The following ITPR1 variants were observed in gnomAD, a reference collection of about 807,000 sequenced individuals.
ITPR1 encodes the protein inositol 1,4,5-trisphosphate receptor type 1.
ITPR1 carries 96 observed loss-of-function variants against 318.4 expected under a neutral mutation model. The observed-to-expected ratio is 0.30, with a 90% CI of 0.26 to 0.36. The LOEUF (loss-of-function observed/expected upper bound fraction) is 0.36, where lower values mean the gene tolerates loss of function less well. ITPR1 is among the 10% of genes least tolerant of loss of function. The pLI, the probability that ITPR1 is intolerant of heterozygous loss-of-function variation, is 1.00. For missense variants in ITPR1, 2,440 were observed against 3,460.2 expected (o/e 0.71, Z 7.40); for synonymous variants, 1,312 against 1,289.9 (o/e 1.02, Z -0.37).
At chr3:4,616,502 A>G (rs2092394369) in intron 4 of ITPR1, among the ~76,000 whole-genome samples, 1 of 152,250 alleles carries the variant, frequency 6.6e-6, no homozygotes, top group Non-Finnish European at 1.5e-5. Context: ...AGGAAAAGAT[A>G]TGAATGCTGA....
Position 4,677,796 on chromosome 3 carries a change from G to A in ITPR1, c.2967+995G>A, listed in dbSNP as rs185690403. Among the ~76,000 whole-genome samples, 11 of 152,120 alleles carry A rather than the reference G, an allele frequency of 7.2e-5. No individual in the cohort carries two copies. In the East Asian group the frequency reaches 1.5e-3, roughly 21 times the overall value. ...ATGATCATGTATACAGGGAGAGTTT[G>A]TTGCTGTTTGGGGAGAGAATAATTG... On this transcript the variant is annotated intron_variant, in intron 24 of 61. Transcript: ENST00000649015.
chr3:4,609,051 A>AATATATATATAT (rs754002503), intron 4 of ITPR1, among the ~76,000 whole-genome samples: 634 of 46,322 alleles, frequency 0.014, 5 homozygotes, highest in East Asian at 0.032. Context: ...ACAACAACGA[A>AATATATATATAT]ATATATATAT....
At chr3:4,675,575 T>G (rs2094167382) in intron 23 of ITPR1, among the ~76,000 whole-genome samples, 1 of 152,232 alleles carries the variant, frequency 6.6e-6, no homozygotes, top group Non-Finnish European at 1.5e-5. Context: ...TGAAAGTTAC[T>G]TAACACTTTG....
At chr3:4,534,518 C>T (rs554845942) in intron 4 of ITPR1, among the ~76,000 whole-genome samples, 1 of 152,200 alleles carries the variant, frequency 6.6e-6, no homozygotes, top group African/African-American at 2.4e-5. Flanking sequence ...AAAGAACCCA[C>T]GTGTTTTCCT....
rs73807279 is a variant in ITPR1, at chr3:4,520,650, C to A, written c.93-374C>A. On this transcript the variant is annotated intron_variant, in intron 3 of 61. Transcript: ENST00000649015. ...GCACTAGCCTTGAGCTCCCAAAGAG[C>A]AAGGGCCTGGCTCATATTCACCTGG... is the stretch of plus-strand genomic sequence containing the variant. 5.9e-3 allele frequency among the ~76,000 whole-genome samples: 897 copies of A among 152,250 alleles called. 8 individuals are homozygous for A. The highest frequency in any genetic ancestry group is 0.021 in the African/African-American group (869 of 41,534).
intron 4 of ITPR1, among the ~76,000 whole-genome samples, chr3:4,581,805 A>ACAGTTGT (rs1472940451): frequency 6.6e-6 from 1 of 152,218 alleles, no homozygotes; most frequent in Admixed American, 6.5e-5. Flanking sequence ...GGAGGGACCT[A>ACAGTTGT]CAGTTGTCCC....
At chr3:4,521,441 G>A (rs572495916) in intron 4 of ITPR1, among the ~76,000 whole-genome samples, 1 of 152,260 alleles carries the variant, frequency 6.6e-6, no homozygotes, top group Non-Finnish European at 1.5e-5. Context: ...CTCACTGTCC[G>A]TTTGGGGATG....
chr3:4,609,619 C>G (rs748482794), intron 4 of ITPR1, among the ~76,000 whole-genome samples: 1 of 150,938 alleles, frequency 6.6e-6, no homozygotes, highest in Non-Finnish European at 1.5e-5. Flanking sequence ...GGGAAGGACT[C>G]TGGTGCTCAG....
rs771266880 is a variant in ITPR1, at chr3:4,836,909, G to A, written c.8164G>A (p.Gly2722Ser). 4 of 1,592,240 alleles carry A rather than the reference G, an allele frequency of 2.5e-6. No homozygotes were observed. The highest frequency in any genetic ancestry group is 2.6e-6 in the Non-Finnish European group (3 of 1,164,520). The stretch of plus-strand genomic sequence containing the variant: ...CATGAAACTTGTCACGAACCTTTCT[G>A]GCCAGCTGTCGGAATTAAAGGATCA... Reference protein sequence around the residue: ...STMKLVTNLSGQLSELKDQMT... With the variant: ...STMKLVTNLSSQLSELKDQMT... The change falls in exon 61 of 62, where the codon GGC (glycine) becomes AGC (serine). Residue 2722 changes from glycine (G) to serine (S), a missense_variant. Coordinates refer to ENST00000649015, the MANE Select transcript of ITPR1 (RefSeq NM_001378452.1).
intron 46 of ITPR1, among the ~76,000 whole-genome samples, chr3:4,770,958 G>A (rs3805014): frequency 0.018 from 2,668 of 152,242 alleles, 32 homozygotes; most frequent in South Asian, 0.052. Flanking sequence ...GATGCTGAGC[G>A]GCTGAGCTTG....
rs1282964405 is a variant in ITPR1 at position 4,680,603 on chromosome 3, A to C, written c.3018A>C (p.Ile1006=). The C allele has an allele frequency of 6.2e-7, 1 of 1,613,480 alleles. No homozygotes were observed. The highest frequency in any genetic ancestry group is 1.1e-5 in the South Asian group (1 of 91,058). ...ATAGGATCTCCTGCCTCCTGTGTAT[A>C]TTTAAGCGAGAGTTTGATGAAAGCA... ...LDYRISCLLC[I]FKREFDESNS... Residue 1006 remains isoleucine, a synonymous_variant, in exon 25 of 62, where the codon ATA becomes ATC. Transcript: ENST00000649015.
chr3:4,679,800 C>T (rs974267464), intron 24 of ITPR1, among the ~76,000 whole-genome samples: 2 of 152,090 alleles, frequency 1.3e-5, no homozygotes, highest in Non-Finnish European at 2.9e-5. Context: ...AATAGGATGT[C>T]CAACAGTCTG....
chr3:4,637,329 A>T (rs759618978), intron 5 of ITPR1, among the ~76,000 whole-genome samples: 1 of 152,226 alleles, frequency 6.6e-6, no homozygotes, highest in Admixed American at 6.5e-5. Context: ...ATGCAGTCCA[A>T]TGTTATGTTT....
At chr3:4,733,560 G>A (rs191056047) in intron 43 of ITPR1, among the ~76,000 whole-genome samples, 2 of 152,244 alleles carry the variant, frequency 1.3e-5, no homozygotes, top group Admixed American at 1.3e-4. Flanking sequence ...AAAATAATGA[G>A]GATATTGGCA....
chr3:4,609,051 AATATATAT>A (rs754002503), intron 4 of ITPR1, among the ~76,000 whole-genome samples: 471 of 46,560 alleles, frequency 0.01, 13 homozygotes, highest in African/African-American at 0.02. Context: ...ACAACAACGA[AATATATAT>A]ATATATATAT....
Position 4,685,160 on chromosome 3 carries a change from G to T in ITPR1, c.3656G>T (p.Gly1219Val), listed in dbSNP as rs1374546397. The T allele has an allele frequency of 6.2e-7, 1 of 1,608,438 alleles. No homozygotes were observed. The highest frequency in any genetic ancestry group is 8.5e-7 in the Non-Finnish European group (1 of 1,178,846). The change falls in exon 30 of 62, where the codon GGC becomes GTC. Residue 1219 changes from glycine to valine, a missense_variant. Gly to Val is a moderately radical substitution (Grantham distance 109). This residue lies in a region of ITPR1 where 222 missense variants were observed against 318.8 expected (regional missense o/e 0.70). Transcript: ENST00000649015. Reference sequence around the variant, plus strand: ...CAACAGCGTCTGCTCCGGAACATGGGCGCGCACGCCGTGGTGCTGGAGCTG... The same window carrying T: ...CAACAGCGTCTGCTCCGGAACATGGTCGCGCACGCCGTGGTGCTGGAGCTG... The part of the protein sequence containing the change: ...KQQQRLLRNM[G>V]AHAVVLELLQ...
At chr3:4,682,579 G>T (rs990945320) in intron 26 of ITPR1, among the ~76,000 whole-genome samples, 1 of 152,174 alleles carries the variant, frequency 6.6e-6, no homozygotes, top group Non-Finnish European at 1.5e-5. Flanking sequence ...TATGATGGAA[G>T]ATGTTTTTCT....
chr3:4,659,863 C>A (rs985611211), intron 13 of ITPR1, among the ~76,000 whole-genome samples: 1 of 151,902 alleles, frequency 6.6e-6, no homozygotes, highest in Non-Finnish European at 1.5e-5. Flanking sequence ...TACATTGTAA[C>A]AATAGAATAT....
rs772337806 is a variant in ITPR1, at chr3:4,795,213, T to A, written c.6931+26T>A. On this transcript the variant is annotated intron_variant, in intron 53 of 61. Transcript: ENST00000649015. ...GTACCCATATCTTTAACTTCAAAAA[T>A]CCTATTAGAAGCAGCAGGAAGGCTA... 3 of 1,607,908 alleles carry A rather than the reference T, an allele frequency of 1.9e-6. No homozygotes were observed. In the African/African-American group the frequency reaches 4.0e-5, roughly 21 times the overall value.
Sources: gnomAD v4.1 joint callset for allele counts (sites outside exome capture counted in the v4.1 genomes callset) on GRCh38, gnomAD v4.1.1 for gene constraint, gnomAD v4.1.1 regional missense constraint, MANE v1.5 for transcripts, NCBI Gene and HGNC (gene_info 2026-07-23, HGNC 2026-07-21) for gene names.